AKR1D1: variants seen among roughly 807,000 people sequenced by gnomAD.
AKR1D1 encodes the protein delta(4)-3-ketosteroid 5-beta-reductase.
Under a neutral mutation model 42.6 loss-of-function variants are expected in AKR1D1, and 32 were observed. That is an observed-to-expected ratio of 0.75 (90% CI 0.57 to 1.01). The LOEUF (loss-of-function observed/expected upper bound fraction) is 1.01. Among genes scored for constraint, AKR1D1 ranks in the 50% least tolerant of loss-of-function variants. The probability of loss-of-function intolerance (pLI) is 0.00; values close to 1 mark genes in which losing one functional copy is unlikely to be tolerated. For synonymous variants in AKR1D1, 123 were observed against 135.5 expected (o/e 0.91, Z 0.64); for missense variants, 364 against 402.2 (o/e 0.91, Z 0.81).
intron 1 of AKR1D1, among the ~76,000 whole-genome samples, chr7:138,078,687 A>G (rs969266910): frequency 1.3e-5 from 2 of 152,216 alleles, no homozygotes; most frequent in Non-Finnish European, 2.9e-5. Context: ...CTATTGTTCA[A>G]AGATGAAAGA....
chr7:138,103,744 G>A (rs985662403), intron 4 of AKR1D1, among the ~76,000 whole-genome samples: 3 of 152,046 alleles, frequency 2.0e-5, no homozygotes, highest in African/African-American at 4.8e-5. Flanking sequence ...AGAGTTGTGC[G>A]TGAAGATGAA....
chr7:138,110,127 G>T (rs890909027), intron 7 of AKR1D1, among the ~76,000 whole-genome samples: 1 of 152,082 alleles, frequency 6.6e-6, no homozygotes, highest in Non-Finnish European at 1.5e-5. Context: ...CATGAATTTT[G>T]CTGGGTATGA....
intron 4 of AKR1D1, among the ~76,000 whole-genome samples, chr7:138,100,906 G>C (rs937431405): frequency 6.6e-6 from 1 of 151,636 alleles, no homozygotes; most frequent in Non-Finnish European, 1.5e-5. Context: ...GGGTTTCACT[G>C]TGTTAGCCAG....
intron 1 of AKR1D1, 53 bp downstream of exon 1, chr7:138,076,664 C>T (rs925181907): frequency 3.2e-5 from 46 of 1,444,746 alleles, no homozygotes; most frequent in Admixed American, 1.4e-4. Context: ...TTAACATTTG[C>T]CTATAGCATA....
rs143830675 is a variant in AKR1D1 at position 138,093,310 on chromosome 7, G to A, written c.378+1426G>A. On this transcript the variant is annotated intron_variant, in intron 3 of 8. Transcript: ENST00000242375. Reference sequence around the variant, plus strand: ...TCTCGATCTCCTGACCTCATGATCCGCCCACCTCGGCCTCCCAAAGTGTTG... The same window carrying A: ...TCTCGATCTCCTGACCTCATGATCCACCCACCTCGGCCTCCCAAAGTGTTG... 6.6e-5 allele frequency among the ~76,000 whole-genome samples: 10 copies of A among 152,008 alleles called. No individual in the cohort carries two copies. The East Asian group carries it at 1.7e-3, about 26-fold the overall frequency.
intron 1 of AKR1D1, 102 bp downstream of exon 1, chr7:138,076,713 T>A (rs1244965230): frequency 9.9e-7 from 1 of 1,008,486 alleles, no homozygotes; most frequent in African/African-American, 1.6e-5. Flanking sequence ...TTGACTTACT[T>A]TTTGTAGTAA....
intron 4 of AKR1D1, among the ~76,000 whole-genome samples, chr7:138,101,811 A>G (rs1794324436): frequency 6.6e-6 from 1 of 152,232 alleles, no homozygotes; most frequent in Non-Finnish European, 1.5e-5. Context: ...GAGATATACC[A>G]TGTTCCTTGA....
intron 3 of AKR1D1, among the ~76,000 whole-genome samples, chr7:138,096,810 C>T (rs914924052): frequency 1.3e-5 from 2 of 152,090 alleles, no homozygotes; most frequent in Non-Finnish European, 2.9e-5. Context: ...AGTCCTCTAC[C>T]CTCAATATTC....
At chr7:138,106,739 A>G (rs543945550) in intron 6 of AKR1D1, 22 bp downstream of exon 6, 1 of 1,552,478 alleles carries the variant, frequency 6.4e-7, no homozygotes, top group African/African-American at 1.4e-5. Flanking sequence ...TTTAGGAAGC[A>G]TTTCCTTTGG....
In AKR1D1 at chr7:138,088,326, C is replaced by A. The variant is rs1793979371; in HGVS notation, c.94-275C>A. Among the ~76,000 whole-genome samples the A allele has an allele frequency of 3.3e-5, 5 of 152,200 alleles. 1 individual carries two copies. The South Asian group carries it at 1.0e-3, about 31-fold the overall frequency. On this transcript the variant is annotated intron_variant, in intron 1 of 8. Coordinates refer to ENST00000242375, the MANE Select transcript of AKR1D1 (RefSeq NM_005989.4). ...TCCTGTAAAAAGGCTTCCATGAATT[C>A]TCTTGTCACAGGAAATATTGATCAA...
intron 4 of AKR1D1, among the ~76,000 whole-genome samples, chr7:138,102,667 A>G (rs1276653357): frequency 6.6e-6 from 1 of 152,262 alleles, no homozygotes; most frequent in Non-Finnish European, 1.5e-5. Flanking sequence ...AGGAACATAT[A>G]GATCAATAAA....
At chr7:138,113,501 C>A (rs6467736) in intron 7 of AKR1D1, among the ~76,000 whole-genome samples, 189 bp from the exon 8 acceptor site, 8 of 151,878 alleles carry the variant, frequency 5.3e-5, no homozygotes, top group East Asian at 1.9e-4. Context: ...CCAGAAAGAC[C>A]GTCTCAAAAA....
chr7:138,107,814 TCTTTC>T (rs2117465055), intron 7 of AKR1D1, among the ~76,000 whole-genome samples: 1 of 152,318 alleles, frequency 6.6e-6, no homozygotes, highest in South Asian at 2.1e-4. Flanking sequence ...TTATATTTTC[TCTTTC>T]CTTATCTACT....
intron 3 of AKR1D1, among the ~76,000 whole-genome samples, chr7:138,096,064 G>T (rs1307398520): frequency 6.6e-6 from 1 of 151,834 alleles, no homozygotes; most frequent in Non-Finnish European, 1.5e-5. Flanking sequence ...AATTAGCTAG[G>T]TGTGGTGGTG....
chr7:138,101,179 C>T (rs189695405), intron 4 of AKR1D1, among the ~76,000 whole-genome samples: 580 of 22,246 alleles, frequency 0.026, 17 homozygotes, highest in African/African-American at 0.094. Context: ...CTCCCTCCCT[C>T]CCTCCCTCCC....
rs1364398758 is a variant in AKR1D1, at chr7:138,105,300, T to C, written c.457-7T>C. ...TGTTTGTTGACCTGTGGACATTTAC[T>C]CTACAGGCGATGGAAGCTTGCAAAG... On this transcript the variant is annotated splice_polypyrimidine_tract_variant and splice_region_variant and intron_variant, in intron 4 of 8. Transcript: ENST00000242375. 2 of 1,614,180 alleles carry C rather than the reference T, an allele frequency of 1.2e-6. No individual in the cohort carries two copies. Among genetic ancestry groups the C allele is most frequent in the East Asian group, 2.2e-5 (1 of 44,876 alleles).
At chr7:138,090,456 G>A (rs899259168) in intron 2 of AKR1D1, among the ~76,000 whole-genome samples, 1 of 151,978 alleles carries the variant, frequency 6.6e-6, no homozygotes, top group African/African-American at 2.4e-5. Flanking sequence ...GGCCAACATG[G>A]TGAAACCCCA....
At chr7:138,098,113 G>T (rs1794220366) in intron 4 of AKR1D1, 170 bp downstream of exon 4, 2 of 594,826 alleles carry the variant, frequency 3.4e-6, no homozygotes, top group African/African-American at 3.7e-5. Context: ...TCCACTTCTG[G>T]GTACTAAATA....
chr7:138,090,930 C>A (rs1794062444), intron 2 of AKR1D1, among the ~76,000 whole-genome samples: 1 of 152,170 alleles, frequency 6.6e-6, no homozygotes. Flanking sequence ...AATCTATGCA[C>A]TAATTTAAAA....
Sources: allele counts gnomAD v4.1 joint callset (sites outside exome capture counted in the v4.1 genomes callset), GRCh38; gene constraint gnomAD v4.1.1; transcripts MANE v1.5; gene names NCBI Gene and HGNC (gene_info 2026-07-23, HGNC 2026-07-21).